Variants in SMYD3 observed in about 807,000 individuals in gnomAD.
SMYD3 encodes histone-lysine N-methyltransferase SMYD3.
Under a neutral mutation model 57.7 loss-of-function variants are expected in SMYD3, and 36 were observed. The observed-to-expected ratio is 0.62, with a 90% confidence interval of 0.48 to 0.82. The LOEUF is 0.82. Among genes scored for constraint, SMYD3 ranks in the 40% least tolerant of loss-of-function variants. The pLI, the probability that SMYD3 is intolerant of heterozygous loss-of-function variation, is 0.00. For synonymous variants in SMYD3, 211 were observed against 195.0 expected (o/e 1.08, Z -0.68); for missense variants, 515 against 538.8 (o/e 0.96, Z 0.44).
intron 11 of SMYD3, among the ~76,000 whole-genome samples, chr1:245,752,280 A>G (rs2185368): frequency 0.07 from 10,659 of 152,228 alleles, 1,246 homozygotes; most frequent in African/African-American, 0.24. Context: ...CCGTCCTGAA[A>G]AAGGCCAGAC....
At chr1:245,895,163 C>T (rs1890821) in intron 8 of SMYD3, among the ~76,000 whole-genome samples, 151,955 of 152,342 alleles carry the variant, frequency 1, 75,789 homozygotes, top group Middle Eastern at 1. Flanking sequence ...CAGTAACTCC[C>T]TTCCTTGATT....
chr1:246,356,795 T>C lies in SMYD3; in HGVS notation c.165-1701A>G, dbSNP rs6657453. Reference sequence around the variant, plus strand: ...CAAGCATCCAAGAAGTTTGGAACTATGTTAAGCATGCAAATCTAAGAATAA... The same window carrying C: ...CAAGCATCCAAGAAGTTTGGAACTACGTTAAGCATGCAAATCTAAGAATAA... On this transcript the variant is annotated intron_variant, in intron 1 of 11. Transcript: ENST00000490107. Among the ~76,000 whole-genome samples, 691 of 152,270 alleles carry C rather than the reference T, an allele frequency of 4.5e-3. 4 individuals are homozygous for C. Among genetic ancestry groups the C allele is most frequent in the Middle Eastern group, 0.02 (6 of 294 alleles).
At chr1:246,481,679 CATATATGAGT>C (rs2068109478) in intron 1 of SMYD3, among the ~76,000 whole-genome samples, 1 of 134,714 alleles carries the variant, frequency 7.4e-6, no homozygotes, top group Admixed American at 7.9e-5. Flanking sequence ...TATATAAACT[CATATATGAGT>C]ATATATGATC....
chr1:246,481,272 G>C (rs902353855), intron 1 of SMYD3, among the ~76,000 whole-genome samples: 1 of 151,978 alleles, frequency 6.6e-6, no homozygotes, highest in Non-Finnish European at 1.5e-5. Context: ...CAGATATGTG[G>C]TTAAACATTA....
chr1:245,952,046 G>A (rs6675664), intron 5 of SMYD3, among the ~76,000 whole-genome samples: 29,592 of 151,958 alleles, frequency 0.19, 3,913 homozygotes, highest in East Asian at 0.48. Flanking sequence ...AAATGATTTA[G>A]ATTAGAATTT....
chr1:246,061,601 ATGCCTGTAGTTCCAGCTACTCAGGAGGC>A (rs1409802018), intron 5 of SMYD3, among the ~76,000 whole-genome samples: 1 of 151,968 alleles, frequency 6.6e-6, no homozygotes, highest in Non-Finnish European at 1.5e-5. Flanking sequence ...ATGGTAGTGC[ATGCCTGTAGTTCCAGCTACTCAGGAGGC>A]TGAACTGGGA....
At chr1:245,936,425 CT>C (rs2056983934) in intron 5 of SMYD3, among the ~76,000 whole-genome samples, 1 of 151,534 alleles carries the variant, frequency 6.6e-6, no homozygotes, top group Admixed American at 6.6e-5. Flanking sequence ...TTGGAATGTG[CT>C]TGCACTTTGC....
intron 5 of SMYD3, among the ~76,000 whole-genome samples, chr1:246,292,917 A>G (rs1160004556): frequency 6.6e-6 from 1 of 152,210 alleles, no homozygotes; most frequent in East Asian, 1.9e-4. Flanking sequence ...GTTAATGCTA[A>G]GTATTAAGAC....
At chr1:246,186,207 G>C (rs1224753673) in intron 5 of SMYD3, among the ~76,000 whole-genome samples, 2 of 152,168 alleles carry the variant, frequency 1.3e-5, no homozygotes, top group Non-Finnish European at 2.9e-5. Context: ...ACTAGAAAAT[G>C]AGTAAGATGC....
intron 5 of SMYD3, among the ~76,000 whole-genome samples, chr1:246,220,584 C>T (rs2063238195): frequency 6.6e-6 from 1 of 152,152 alleles, no homozygotes; most frequent in Admixed American, 6.5e-5. Flanking sequence ...CCACTCCGAC[C>T]TGGGAGCAAA....
intron 1 of SMYD3, 61 bp downstream of exon 1, chr1:246,506,993 C>CCCCCCCCCCCCCCCCCCA: frequency 1.1e-6 from 1 of 884,058 alleles, no homozygotes; most frequent in Non-Finnish European, 1.5e-6. Flanking sequence ...CCCGACGCCC[C>CCCCCCCCCCCCCCCCCCA]CCCCTCCCCA....
rs535295693 is a variant in SMYD3, at chr1:245,879,945, C to T, written c.814-16059G>A. Among the ~76,000 whole-genome samples the T allele has an allele frequency of 1.0e-4, 15 of 149,504 alleles. 1 individual carries two copies. Among genetic ancestry groups the T allele is most frequent in the African/African-American group, 3.2e-4 (13 of 40,622 alleles). On this transcript the variant is annotated intron_variant, in intron 8 of 11. Transcript: ENST00000490107. ...GTACACACCAGAGATAGCACAGGTG[C>T]GTTGCTGTACACACCAGAGATAGCA...
chr1:246,225,168 C>T (rs1257032831), intron 5 of SMYD3, among the ~76,000 whole-genome samples: 2 of 151,400 alleles, frequency 1.3e-5, no homozygotes, highest in East Asian at 3.9e-4. Flanking sequence ...AGGACTCAGC[C>T]TTTCATAATT....
Position 246,247,444 on chromosome 1 carries a change from A to ACTCT in SMYD3, c.531+79753_531+79756dup, listed in dbSNP as rs143476169. ...CTGTGGTTTAAGAAAGAGAAGGATA[A>ACTCT]CTCTCTCTCTCTCTCTCTCTCTATA... On this transcript the variant is annotated intron_variant, in intron 5 of 11. Coordinates refer to ENST00000490107, the MANE Select transcript of SMYD3 (RefSeq NM_001167740.2). Among the ~76,000 whole-genome samples, 532 of 142,832 alleles carry ACTCT rather than the reference A, an allele frequency of 3.7e-3. 5 individuals are homozygous for ACTCT. The highest frequency in any genetic ancestry group is 0.011 in the African/African-American group (403 of 38,318). 93.7% of individuals were successfully genotyped at this position (142,832 alleles called of 152,430 possible).
intron 5 of SMYD3, among the ~76,000 whole-genome samples, chr1:246,269,851 G>A (rs1044409875): frequency 1.4e-4 from 21 of 152,120 alleles, no homozygotes; most frequent in Admixed American, 2.0e-4. Flanking sequence ...GGGATTCCGG[G>A]CGTGTACCAC....
chr1:246,194,371 C>A (rs1232866167), intron 5 of SMYD3, among the ~76,000 whole-genome samples: 1 of 151,842 alleles, frequency 6.6e-6, no homozygotes, highest in Non-Finnish European at 1.5e-5. Context: ...TGGGTTCAAG[C>A]GGTTCTCCTG....
intron 1 of SMYD3, among the ~76,000 whole-genome samples, chr1:246,474,302 G>A (rs1051364319): frequency 6.6e-6 from 1 of 152,096 alleles, no homozygotes; most frequent in African/African-American, 2.4e-5. Context: ...GGTGGATCAT[G>A]AGATCAGGAG....
chr1:246,182,839 T>C (rs546912169), intron 5 of SMYD3, among the ~76,000 whole-genome samples: 52 of 152,148 alleles, frequency 3.4e-4, no homozygotes, highest in South Asian at 1.0e-3. Flanking sequence ...ATCACTTCCA[T>C]TGCTCAAACC....
intron 5 of SMYD3, among the ~76,000 whole-genome samples, chr1:246,006,324 C>A (rs1212423360): frequency 1.5e-5 from 1 of 68,220 alleles, no homozygotes; most frequent in Admixed American, 1.9e-4. Flanking sequence ...GCTGGAGGGG[C>A]GGCGGGGGGC....
Sources: gnomAD v4.1 joint callset for allele counts (sites outside exome capture counted in the v4.1 genomes callset) on GRCh38, gnomAD v4.1.1 for gene constraint, MANE v1.5 for transcripts, NCBI Gene and HGNC (gene_info 2026-07-23, HGNC 2026-07-21) for gene names.